Variants in STPG2 observed in about 807,000 individuals in gnomAD.
The protein encoded by STPG2 is sperm tail PG-rich repeat containing 2, also known as sperm-tail PG-rich repeat-containing protein 2.
A neutral mutation model predicts 54.2 loss-of-function variants in STPG2; 56 were observed. The ratio of observed to expected loss-of-function variants is 1.03; its 90% CI spans 0.83 to 1.29. The LOEUF (loss-of-function observed/expected upper bound fraction) is 1.29, where lower values mean the gene tolerates loss of function less well. Among genes scored for constraint, STPG2 ranks in the 50% most tolerant of loss-of-function variants. The pLI is 0.00. For synonymous variants in STPG2, 200 were observed against 181.8 expected, an observed-to-expected ratio of 1.10 and a Z score of -0.81; for missense variants, 596 against 544.9, an observed-to-expected ratio of 1.09 and a Z score of -0.93.
intron 8 of STPG2, 45 bp downstream of exon 8, chr4:97,943,852 T>C (rs1352254134): frequency 7.1e-7 from 1 of 1,402,008 alleles, no homozygotes; most frequent in African/African-American, 1.5e-5. Context: ...GCCTCCTCCA[T>C]GATTTCTAGA....
At chr4:97,947,393 T>C (rs1733275524) in intron 7 of STPG2, among the ~76,000 whole-genome samples, 1 of 152,156 alleles carries the variant, frequency 6.6e-6, no homozygotes, top group African/African-American at 2.4e-5. Context: ...AAATGCACTG[T>C]ATTTCCTTCT....
At chr4:98,099,691 TATTTCAC>T (rs2110134392) in intron 5 of STPG2, among the ~76,000 whole-genome samples, 1 of 152,338 alleles carries the variant, frequency 6.6e-6, no homozygotes, top group East Asian at 1.9e-4. Flanking sequence ...GTGATGTGCT[TATTTCAC>T]ATTGCATGCC....
At chr4:98,039,321 C>T (rs1355731616) in intron 5 of STPG2, among the ~76,000 whole-genome samples, 2 of 110,640 alleles carry the variant, frequency 1.8e-5, no homozygotes, top group African/African-American at 7.2e-5. Flanking sequence ...TGAATAAATC[C>T]CCCGTGGGAG....
intron 5 of STPG2, among the ~76,000 whole-genome samples, chr4:98,047,185 A>G (rs1737155524): frequency 6.6e-6 from 1 of 152,160 alleles, no homozygotes; most frequent in African/African-American, 2.4e-5. Flanking sequence ...GCCAAGAACC[A>G]TTCAGCCCCA....
intron 9 of STPG2, among the ~76,000 whole-genome samples, chr4:97,823,611 T>G (rs565485721): frequency 6.8e-4 from 103 of 152,290 alleles, no homozygotes; most frequent in African/African-American, 2.5e-3. Context: ...CTTGAATTCT[T>G]TTTTGTGTGA....
intron 9 of STPG2, among the ~76,000 whole-genome samples, chr4:97,778,979 G>A (rs1726492618): frequency 6.6e-6 from 1 of 151,986 alleles, no homozygotes; most frequent in Non-Finnish European, 1.5e-5. Flanking sequence ...CAAAGATGGG[G>A]AAAAAAACAG....
In STPG2 at chr4:97,565,980, C is replaced by A. The variant is rs531241576; in HGVS notation, c.1321-6863G>T. On this transcript the variant is annotated intron_variant, in intron 10 of 10. Coordinates refer to ENST00000295268, the MANE Select transcript of STPG2 (RefSeq NM_174952.3). ...TCTCTTCAAAGCTGTCAGACAGGGACATTTAAGTCTGCGGAGGTTACTGCA... is the reference window on the plus strand; with the variant it reads ...TCTCTTCAAAGCTGTCAGACAGGGAAATTTAAGTCTGCGGAGGTTACTGCA... Among the ~76,000 whole-genome samples the A allele has an allele frequency of 1.3e-4, 20 of 152,294 alleles. 1 individual carries two copies. In the South Asian group the frequency reaches 3.9e-3, roughly 30 times the overall value.
chr4:97,876,537 T>C lies in STPG2; in HGVS notation c.1045-35605A>G, dbSNP rs575643971. Among the ~76,000 whole-genome samples the C allele has an allele frequency of 1.2e-3, 178 of 152,206 alleles. 1 individual carries two copies. The highest frequency in any genetic ancestry group is 7.0e-3 in the Middle Eastern group (2 of 286). On this transcript the variant is annotated intron_variant, in intron 8 of 10. Transcript: ENST00000295268. ...ATTATAAAGTCCTCAGAGATATTTA[T>C]CATTAAATTACATGCTGCTTCCTTT... is the stretch of plus-strand genomic sequence containing the variant.
At chr4:98,130,863 A>G in intron 2 of STPG2, among the ~76,000 whole-genome samples, 1 of 140,136 alleles carries the variant, frequency 7.1e-6, no homozygotes, top group Non-Finnish European at 1.5e-5. Context: ...TGGAGCTTGC[A>G]GTGAGCCGAG....
intron 5 of STPG2, among the ~76,000 whole-genome samples, chr4:98,072,293 C>G (rs1738028040): frequency 6.6e-6 from 1 of 152,128 alleles, no homozygotes; most frequent in Non-Finnish European, 1.5e-5. Flanking sequence ...TTATTCTCAG[C>G]AAACTAACAC....
At chr4:97,494,546 A>G (rs2148829238) in intron 4 of STPG2, among the ~76,000 whole-genome samples, 1 of 151,696 alleles carries the variant, frequency 6.6e-6, no homozygotes, top group South Asian at 2.1e-4. Flanking sequence ...TGATAAATGG[A>G]GGGCAAATAA....
At chr4:97,624,603 G>A (rs1390260367) in intron 10 of STPG2, among the ~76,000 whole-genome samples, 4 of 152,060 alleles carry the variant, frequency 2.6e-5, no homozygotes, top group African/African-American at 7.2e-5. Context: ...TTCTTTTGCT[G>A]TGCAAAATCT....
chr4:97,523,947 AAACCTCAGAT>A (rs1282307759), intron 4 of STPG2, among the ~76,000 whole-genome samples: 1 of 152,016 alleles, frequency 6.6e-6, no homozygotes, highest in Non-Finnish European at 1.5e-5. Flanking sequence ...TACAGAATTA[AAACCTCAGAT>A]AACTGAATCT....
At chr4:98,074,642 A>T (rs1207582569) in intron 5 of STPG2, among the ~76,000 whole-genome samples, 1 of 152,128 alleles carries the variant, frequency 6.6e-6, no homozygotes, top group Non-Finnish European at 1.5e-5. Flanking sequence ...TTTCCACTGA[A>T]CTTGTCTCCA....
intron 8 of STPG2, among the ~76,000 whole-genome samples, chr4:97,884,061 G>A (rs530121954): frequency 2.0e-5 from 3 of 152,168 alleles, no homozygotes; most frequent in Non-Finnish European, 2.9e-5. Context: ...TCCACAATAC[G>A]TTCTGGAGAC....
chr4:97,586,441 G>T (rs1226597876), intron 10 of STPG2, among the ~76,000 whole-genome samples: 5 of 151,924 alleles, frequency 3.3e-5, no homozygotes, highest in Non-Finnish European at 7.4e-5. Context: ...TCCAAAATTT[G>T]ATGGAAGACA....
chr4:97,633,396 C>T (rs987844743), intron 10 of STPG2: 1 of 151,964 alleles, frequency 6.6e-6, no homozygotes, highest in African/African-American at 2.4e-5. Context: ...AAAACATACT[C>T]AATAAAGTAA....
intron 8 of STPG2, among the ~76,000 whole-genome samples, chr4:97,943,171 T>A (rs1733056636): frequency 6.6e-6 from 1 of 152,050 alleles, no homozygotes; most frequent in South Asian, 2.1e-4. Flanking sequence ...AGAGTACTAA[T>A]CCTATTTATG....
chr4:97,508,481 A>G (rs1052487905), intron 4 of STPG2, among the ~76,000 whole-genome samples: 3 of 152,118 alleles, frequency 2.0e-5, no homozygotes, highest in African/African-American at 7.2e-5. Flanking sequence ...ATGTTTTGAA[A>G]TTAAGCAATA....
Sources: allele counts gnomAD v4.1 joint callset (sites outside exome capture counted in the v4.1 genomes callset), GRCh38; gene constraint gnomAD v4.1.1; transcripts MANE v1.5; gene names NCBI Gene and HGNC (gene_info 2026-07-23, HGNC 2026-07-21).